HNRNPLL: variants seen among roughly 807,000 people sequenced by gnomAD.
The protein encoded by HNRNPLL is heterogeneous nuclear ribonucleoprotein L-like.
HNRNPLL carries 25 observed loss-of-function variants against 67.1 expected under a neutral mutation model. That is an observed-to-expected ratio of 0.37 (90% confidence interval 0.27 to 0.52). HNRNPLL has a LOEUF of 0.52. Among genes scored for constraint, HNRNPLL ranks in the 20% least tolerant of loss-of-function variants. The pLI is 0.90. For synonymous variants in HNRNPLL, 267 were observed against 241.7 expected (o/e 1.10, Z -0.97); for missense variants, 542 against 673.9 (o/e 0.80, Z 2.17).
intron 12 of HNRNPLL, among the ~76,000 whole-genome samples, chr2:38,567,129 A>T (rs1199886683): frequency 1.3e-5 from 2 of 152,058 alleles, no homozygotes; most frequent in Non-Finnish European, 2.9e-5. Context: ...TTTGAGACGG[A>T]GTCTTGCTCT....
chr2:38,575,688 T>C (rs989943558), intron 7 of HNRNPLL, among the ~76,000 whole-genome samples: 2 of 151,794 alleles, frequency 1.3e-5, no homozygotes, highest in Admixed American at 6.6e-5. Context: ...TTTCTTATAG[T>C]CGTCACATAG....
chr2:38,570,963 T>A (rs934866346), intron 8 of HNRNPLL, among the ~76,000 whole-genome samples: 1 of 152,046 alleles, frequency 6.6e-6, no homozygotes, highest in Non-Finnish European at 1.5e-5. Context: ...CAGGACTGCT[T>A]GTGCCCAAGA....
At chr2:38,564,349 G>A in intron 12 of HNRNPLL, 112 bp from the exon 13 acceptor site, 1 of 649,754 alleles carries the variant, frequency 1.5e-6, no homozygotes, top group Non-Finnish European at 2.7e-6. Flanking sequence ...GAAATATGGT[G>A]AATATAAAGC....
chr2:38,570,811 G>A (rs889330860), intron 8 of HNRNPLL, among the ~76,000 whole-genome samples: 8 of 151,926 alleles, frequency 5.3e-5, no homozygotes, highest in African/African-American at 1.9e-4. Context: ...AGAGGCCAAG[G>A]TGGGATGCTT....
At chr2:38,577,124 A>G (rs570579077) in intron 7 of HNRNPLL, among the ~76,000 whole-genome samples, 1 of 152,052 alleles carries the variant, frequency 6.6e-6, no homozygotes, top group South Asian at 2.1e-4. Context: ...TAATTGCTGG[A>G]ATGAAAGAAA....
intron 1 of HNRNPLL, among the ~76,000 whole-genome samples, chr2:38,600,868 C>A (rs1180671975): frequency 6.6e-6 from 1 of 152,072 alleles, no homozygotes; most frequent in African/African-American, 2.4e-5. Flanking sequence ...ATGTTATTTT[C>A]TTCCCAACAT....
In HNRNPLL at chr2:38,602,820, G is replaced by A. The variant is rs961146144; in HGVS notation, c.-194C>T. Reference sequence around the variant, plus strand: ...GCGGACGGACTGAGGGGGGCGCCCCGGGAGGAAGCTCTGGAGCGGCCGCTC... The same window carrying A: ...GCGGACGGACTGAGGGGGGCGCCCCAGGAGGAAGCTCTGGAGCGGCCGCTC... On this transcript the variant is annotated 5_prime_UTR_variant, in exon 1 of 13. Coordinates refer to ENST00000449105, the MANE Select transcript of HNRNPLL (RefSeq NM_138394.4). The A allele has an allele frequency of 7.8e-6, 12 of 1,545,458 alleles. No individual in the cohort carries two copies. The highest frequency in any genetic ancestry group is 3.3e-4 in the Middle Eastern group (2 of 5,994).
intron 2 of HNRNPLL, among the ~76,000 whole-genome samples, chr2:38,590,346 A>G (rs868401205): frequency 6.6e-6 from 1 of 152,328 alleles, no homozygotes; most frequent in Middle Eastern, 3.4e-3. Context: ...CAAATACTTA[A>G]CATGAATTTT....
chr2:38,599,226 G>A (rs1667326621), intron 1 of HNRNPLL, among the ~76,000 whole-genome samples: 1 of 152,150 alleles, frequency 6.6e-6, no homozygotes, highest in Non-Finnish European at 1.5e-5. Context: ...ACTAAAAGTT[G>A]AGAAACAAAT....
chr2:38,567,964 C>A, intron 12 of HNRNPLL: 1 of 372,508 alleles, frequency 2.7e-6, no homozygotes, highest in Admixed American at 4.6e-5. Flanking sequence ...ACCCAAAATA[C>A]TAACCCTCAG....
intron 1 of HNRNPLL, among the ~76,000 whole-genome samples, chr2:38,597,004 G>C (rs912987156): frequency 6.6e-6 from 1 of 151,816 alleles, no homozygotes; most frequent in South Asian, 2.1e-4. Flanking sequence ...GCCATTTCAG[G>C]GACAAACTCT....
At position 38,563,955 on chromosome 2, in the gene HNRNPLL, A is replaced by C. The variant is rs187998186; in HGVS notation, c.*227T>G. The stretch of plus-strand genomic sequence containing the variant: ...GAAATCATATATCTGTATAATCTAC[A>C]ATGAAGCTGTAGATAGTCTACATTA... On this transcript the variant is annotated 3_prime_UTR_variant, in exon 13 of 13. Transcript: ENST00000449105. 2.2e-3 allele frequency: 957 copies of C among 444,530 alleles called. 8 individuals are homozygous for C. The highest frequency in any genetic ancestry group is 0.017 in the Middle Eastern group (28 of 1,610). The allele number at this position is 444,530 out of a possible 1,614,324, so 27.5% of individuals were successfully genotyped here.
Position 38,573,372 on chromosome 2 carries a change from A to G in HNRNPLL, c.930T>C (p.Asp310=). ...LPSRYRMGSR[D]TPELVAYPLP... ...ATGGATAAGCAACAAGTTCAGGTGT[A>G]TCTCGAGAGCCCATTCTGTAACGAC... is the stretch of plus-strand genomic sequence containing the variant. The change falls in exon 8 of 13, where the codon GAT becomes GAC. Residue 310 remains aspartate (D), a synonymous_variant. Transcript: ENST00000449105. The G allele has an allele frequency of 6.2e-7, 1 of 1,611,924 alleles. No homozygotes were observed. Among genetic ancestry groups the G allele is most frequent in the Non-Finnish European group, 8.5e-7 (1 of 1,178,626 alleles).
chr2:38,591,723 C>A, intron 1 of HNRNPLL, 75 bp from the exon 2 acceptor site: 2 of 884,552 alleles, frequency 2.3e-6, no homozygotes, highest in Admixed American at 2.0e-5. Context: ...CGCCTGTAAT[C>A]CCTGCACTTT....
In HNRNPLL at chr2:38,563,059, T is replaced by G. The variant is rs949090356; in HGVS notation, c.*1123A>C. On this transcript the variant is annotated 3_prime_UTR_variant, in exon 13 of 13. Coordinates refer to ENST00000449105, the MANE Select transcript of HNRNPLL (RefSeq NM_138394.4). Reference sequence around the variant, plus strand: ...AAAACAAAATGGCCACATCAGTTTTTCTATTGTAAAAAAGCTGTGAACTTG... The same window carrying G: ...AAAACAAAATGGCCACATCAGTTTTGCTATTGTAAAAAAGCTGTGAACTTG... 2 of 152,044 alleles carry G rather than the reference T, an allele frequency of 1.3e-5. No homozygotes were observed. The highest frequency in any genetic ancestry group is 6.5e-5 in the Admixed American group (1 of 15,270). The allele number at this position is 152,044 out of a possible 1,614,324, so 9.4% of individuals were successfully genotyped here.
chr2:38,565,467 A>G (rs999076758), intron 12 of HNRNPLL, among the ~76,000 whole-genome samples: 2 of 152,184 alleles, frequency 1.3e-5, no homozygotes, highest in Non-Finnish European at 2.9e-5. Flanking sequence ...GCAACTTGGG[A>G]GGCTGAGGCC....
At chr2:38,599,980 G>A in intron 1 of HNRNPLL, 1 of 458,422 alleles carries the variant, frequency 2.2e-6, no homozygotes, top group Non-Finnish European at 4.5e-6. Context: ...AACCCTTTTC[G>A]GTTACAATGA....
At chr2:38,593,147 C>A (rs963926582) in intron 1 of HNRNPLL, among the ~76,000 whole-genome samples, 3 of 152,170 alleles carry the variant, frequency 2.0e-5, no homozygotes, top group Non-Finnish European at 4.4e-5. Context: ...GCTTATGCTC[C>A]GTCTTTCCTA....
At chr2:38,565,945 A>C in intron 12 of HNRNPLL, 1 of 796,970 alleles carries the variant, frequency 1.3e-6, no homozygotes, top group African/African-American at 1.9e-5. Context: ...TTCAGATGTT[A>C]TTCCAGCCAT....
Sources: gnomAD v4.1 joint callset for allele counts (sites outside exome capture counted in the v4.1 genomes callset) on GRCh38, gnomAD v4.1.1 for gene constraint, MANE v1.5 for transcripts, NCBI Gene and HGNC (gene_info 2026-07-23, HGNC 2026-07-21) for gene names.